VANGL2: variants seen among roughly 807,000 people sequenced by gnomAD.
VANGL2 encodes the protein vang-like protein 2.
Under a neutral mutation model 50.2 loss-of-function variants are expected in VANGL2, and 14 were observed. That is an observed-to-expected ratio of 0.28 (90% confidence interval 0.18 to 0.44). The LOEUF (loss-of-function observed/expected upper bound fraction) is 0.44, where lower values mean the gene tolerates loss of function less well. Among genes scored for constraint, VANGL2 ranks in the 20% least tolerant of loss-of-function variants. VANGL2 has a pLI of 1.00. For synonymous variants in VANGL2, 295 were observed against 297.2 expected (o/e 0.99, Z 0.08); for missense variants, 533 against 701.5 (o/e 0.76, Z 2.71).
chr1:160,413,302 A>T (rs984722280), intron 1 of VANGL2, among the ~76,000 whole-genome samples: 1 of 146,256 alleles, frequency 6.8e-6, no homozygotes, highest in Non-Finnish European at 1.5e-5. Context: ...TTTTTTTGAG[A>T]CGGAGTCTCG....
chr1:160,419,213 G>A lies in VANGL2; in HGVS notation c.404G>A (p.Arg135Gln), dbSNP rs370160195. 3 of 1,611,782 alleles carry A rather than the reference G, an allele frequency of 1.9e-6. No individual in the cohort carries two copies. Among genetic ancestry groups the A allele is most frequent in the Admixed American group, 1.7e-5 (1 of 60,010 alleles). Residue 135 changes from arginine to glutamine, a missense_variant, in exon 4 of 8, where the codon CGG (arginine) becomes CAG (glutamine). Physicochemically the swap from Arg to Gln is conservative, Grantham distance 43. Transcript: ENST00000368061. The surrounding 1 kb of genome is among the most constrained non-coding windows in gnomAD (Gnocchi z 5.8). ...AFLLLPPLLW[R>Q]EELEPCGTAC... The stretch of plus-strand genomic sequence containing the variant: ...CTGCTGCTGCCCCCACTGCTGTGGC[G>A]GGAGGAGCTGGAGCCTTGCGGGACG...
At chr1:160,401,265 A>G (rs931427619) in intron 1 of VANGL2, among the ~76,000 whole-genome samples, 3 of 151,750 alleles carry the variant, frequency 2.0e-5, no homozygotes, top group Non-Finnish European at 4.4e-5. Context: ...GTCTGGAGGT[A>G]TTGGAAGCCA....
At chr1:160,420,120 G>A (rs1651215350) in intron 4 of VANGL2, among the ~76,000 whole-genome samples, 1 of 152,118 alleles carries the variant, frequency 6.6e-6, no homozygotes, top group African/African-American at 2.4e-5. Context: ...TCCTGTAGAG[G>A]ATCTTGGGGG....
intron 5 of VANGL2, 94 bp downstream of exon 5, chr1:160,420,641 C>T: frequency 6.3e-7 from 1 of 1,587,918 alleles, no homozygotes; most frequent in Non-Finnish European, 8.6e-7. Context: ...TTGCTTTTTC[C>T]TTTCCTTAGC....
intron 7 of VANGL2, among the ~76,000 whole-genome samples, 198 bp from the exon 8 acceptor site, chr1:160,424,919 CG>C (rs1339532124): frequency 6.6e-6 from 1 of 152,114 alleles, no homozygotes; most frequent in Non-Finnish European, 1.5e-5. Flanking sequence ...CTGTGCACTC[CG>C]GCTTCTTCAT....
At chr1:160,407,352 C>T (rs992204121) in intron 1 of VANGL2, among the ~76,000 whole-genome samples, 1 of 152,158 alleles carries the variant, frequency 6.6e-6, no homozygotes, top group African/African-American at 2.4e-5. Context: ...ACAGGAGGTT[C>T]TCAGGATGGG....
In VANGL2 at chr1:160,421,097, C is replaced by T. The variant is rs1213478769; in HGVS notation, c.983C>T (p.Ala328Val). The T allele has an allele frequency of 1.2e-6, 2 of 1,614,154 alleles. No individual in the cohort carries two copies. Among genetic ancestry groups the T allele is most frequent in the East Asian group, 2.2e-5 (1 of 44,888 alleles). ...ACTGGCCAGTCTCGGGCTGTGATTG[C>T]AGCGGCAGCTCGGAGGCGGGACAAC... ...NSTGQSRAVI[A>V]AAARRRDNSH... Residue 328 changes from alanine to valine, a missense_variant, in exon 6 of 8, where the codon GCA becomes GTA. Ala to Val is a moderately conservative substitution (Grantham distance 64, BLOSUM62 0). Transcript: ENST00000368061.
At chr1:160,422,249 T>C (rs1651300391) in intron 6 of VANGL2, among the ~76,000 whole-genome samples, 1 of 152,220 alleles carries the variant, frequency 6.6e-6, no homozygotes, top group South Asian at 2.1e-4. Flanking sequence ...TCTCTAATTG[T>C]CTTGGAAATG....
At position 160,424,214 on chromosome 1, in the gene VANGL2, G is replaced by A; in HGVS notation, c.1236G>A (p.Gln412=). Reference sequence around the variant, plus strand: ...AGTACCTTCGGACCACCAAGCAGCAGCCCTACCACACCATGGAGAGCATCC... The same window carrying A: ...AGTACCTTCGGACCACCAAGCAGCAACCCTACCACACCATGGAGAGCATCC... ...MQKYLRTTKQ[Q]PYHTMESILQ... The change falls in exon 7 of 8, where the codon CAG becomes CAA. Residue 412 remains glutamine, a synonymous_variant. Coordinates refer to ENST00000368061, the MANE Select transcript of VANGL2 (RefSeq NM_020335.3). 2 of 1,614,174 alleles carry A rather than the reference G, an allele frequency of 1.2e-6. No individual in the cohort carries two copies. Among genetic ancestry groups the A allele is most frequent in the East Asian group, 4.5e-5 (2 of 44,876 alleles).
chr1:160,419,574 C>T lies in VANGL2; in HGVS notation c.765C>T (p.Asp255=), dbSNP rs772251993. 25 of 1,599,018 alleles carry T rather than the reference C, an allele frequency of 1.6e-5. No homozygotes were observed. Among genetic ancestry groups the T allele is most frequent in the South Asian group, 1.4e-4 (13 of 90,992 alleles). ...QFTLKVVRST[D]GASRFYNVGH... is the part of the protein sequence containing the mutation. ...CGCTCAAGGTCGTGCGCTCCACCGACGGCGCCAGCCGCTTCTACAACGTTG... is the reference window on the plus strand; with the variant it reads ...CGCTCAAGGTCGTGCGCTCCACCGATGGCGCCAGCCGCTTCTACAACGTTG... The change falls in exon 4 of 8, where the codon GAC becomes GAT. Residue 255 remains aspartate, a synonymous_variant. Transcript: ENST00000368061. This position sits in a 1 kb window ranked among gnomAD's most constrained non-coding sequence, Gnocchi z 5.8.
chr1:160,403,912 G>A (rs1043762555), intron 1 of VANGL2, among the ~76,000 whole-genome samples: 2 of 152,180 alleles, frequency 1.3e-5, no homozygotes, highest in Admixed American at 6.5e-5. Context: ...CTTTGCCACT[G>A]TCTAATTCCG....
chr1:160,401,420 G>T (rs1175990831), intron 1 of VANGL2, among the ~76,000 whole-genome samples: 9 of 152,072 alleles, frequency 5.9e-5, no homozygotes, highest in Non-Finnish European at 1.5e-5. Flanking sequence ...GGCTGGAGGC[G>T]GTAGACTGTG....
At position 160,420,516 on chromosome 1, in the gene VANGL2, G is replaced by A. The variant is rs1410598479; in HGVS notation, c.906G>A (p.Val302=). Residue 302 remains valine (V), a synonymous_variant, in exon 5 of 8, where the codon GTG becomes GTA. Transcript: ENST00000368061. The stretch of plus-strand genomic sequence containing the variant: ...CCAAGTCCGTCCTGGCCAAGAAAGT[G>A]TCTGGCTTCAAGGTGTATTCCCTCG... ...NLPKSVLAKK[V]SGFKVYSLGE... 33 of 1,614,044 alleles carry A rather than the reference G, an allele frequency of 2.0e-5. No homozygotes were observed. The highest frequency in any genetic ancestry group is 2.5e-5 in the Non-Finnish European group (30 of 1,180,036).
Position 160,419,620 on chromosome 1 carries a change from A to C in VANGL2, c.800+11A>C, listed in dbSNP as rs1651195960. ...CGTTGGCCATCTCAGGTACTAGCCC[A>C]CGGCTGGAGAAGGGTTGGGAGGGAA... On this transcript the variant is annotated intron_variant, in intron 4 of 7. Coordinates refer to ENST00000368061, the MANE Select transcript of VANGL2 (RefSeq NM_020335.3). The surrounding 1 kb of genome is among the most constrained non-coding windows in gnomAD (Gnocchi z 5.8). The C allele has an allele frequency of 6.3e-7, 1 of 1,597,862 alleles. No homozygotes were observed. The highest frequency in any genetic ancestry group is 1.3e-5 in the African/African-American group (1 of 74,846).
intron 1 of VANGL2, among the ~76,000 whole-genome samples, chr1:160,407,255 C>T (rs1650708453): frequency 1.3e-5 from 2 of 151,998 alleles, no homozygotes; most frequent in Non-Finnish European, 2.9e-5. Flanking sequence ...TGGTGGAGGC[C>T]GGCTGGTACT....
At chr1:160,416,701 C>G (rs1464520112) in intron 3 of VANGL2, among the ~76,000 whole-genome samples, 1 of 152,102 alleles carries the variant, frequency 6.6e-6, no homozygotes, top group Admixed American at 6.5e-5. Context: ...AGGGATGGAG[C>G]AGGGACCCCA....
intron 1 of VANGL2, among the ~76,000 whole-genome samples, chr1:160,410,458 G>A (rs761780610): frequency 5.9e-5 from 9 of 152,142 alleles, no homozygotes; most frequent in South Asian, 2.1e-4. Context: ...TAAAGTAGCC[G>A]GGACTGGGCT....
chr1:160,416,710 C>G (rs563220949), intron 3 of VANGL2, among the ~76,000 whole-genome samples: 1 of 152,078 alleles, frequency 6.6e-6, no homozygotes, highest in East Asian at 1.9e-4. Context: ...GCAGGGACCC[C>G]AGGAGAGAGT....
intron 3 of VANGL2, among the ~76,000 whole-genome samples, chr1:160,418,121 A>G (rs1050021937): frequency 2.6e-5 from 4 of 152,010 alleles, no homozygotes; most frequent in Admixed American, 2.0e-4. Flanking sequence ...GGATTTCTCC[A>G]TGTTGGTCAG....
Sources: allele counts gnomAD v4.1 joint callset (sites outside exome capture counted in the v4.1 genomes callset), GRCh38; gene constraint gnomAD v4.1.1; non-coding constraint Gnocchi (gnomAD v3.1); transcripts MANE v1.5; gene names NCBI Gene and HGNC (gene_info 2026-07-23, HGNC 2026-07-21).